The following DNAH17 variants were observed in gnomAD, a reference collection of about 807,000 sequenced individuals.
The protein encoded by DNAH17 is dynein axonemal heavy chain 17.
A neutral mutation model predicts 485.6 loss-of-function variants in DNAH17; 376 were observed. The ratio of observed to expected loss-of-function variants is 0.77; its 90% CI spans 0.71 to 0.84. The LOEUF (loss-of-function observed/expected upper bound fraction) is 0.84. Among genes scored for constraint, DNAH17 ranks in the 40% least tolerant of loss-of-function variants. The probability of loss-of-function intolerance (pLI) is 0.00; values close to 1 mark genes in which losing one functional copy is unlikely to be tolerated. For missense variants in DNAH17, 6,370 were observed against 5,839.3 expected (o/e 1.09, Z -2.96); for synonymous variants, 3,031 against 2,405.9 (o/e 1.26, Z -7.60).
chr17:78,484,857 C>CCCCGT lies in DNAH17; in HGVS notation c.7649+6_7649+10dup. The CCCCGT allele has an allele frequency of 6.5e-7, 1 of 1,536,414 alleles. No individual in the cohort carries two copies. Among genetic ancestry groups the CCCCGT allele is most frequent in the Non-Finnish European group, 8.8e-7 (1 of 1,140,096 alleles). On this transcript the variant is annotated intron_variant, in intron 48 of 80. Transcript: ENST00000389840. ...GGCCACGCCTTCCCCTCCGGCCCCGCCCCGTCTAACCAGTGCCGGTGGTCC... is the reference window on the plus strand; with the variant it reads ...GGCCACGCCTTCCCCTCCGGCCCCGCCCCGTCCCGTCTAACCAGTGCCGGTGGTCC...
At chr17:78,575,108 C>A in intron 1 of DNAH17, 26 bp from the exon 2 acceptor site, 2 of 1,458,504 alleles carry the variant, frequency 1.4e-6, no homozygotes, top group Non-Finnish European at 1.9e-6. Flanking sequence ...GAAACAGGTA[C>A]GAACTGTCTC....
chr17:78,473,785 C>T (rs913281394), intron 54 of DNAH17, among the ~76,000 whole-genome samples: 1 of 152,126 alleles, frequency 6.6e-6, no homozygotes, highest in Non-Finnish European at 1.5e-5. Flanking sequence ...CGTAAACCAA[C>T]GTGATTTAGT....
intron 54 of DNAH17, among the ~76,000 whole-genome samples, chr17:78,473,073 T>C (rs2088839852): frequency 6.6e-6 from 1 of 152,156 alleles, no homozygotes; most frequent in Non-Finnish European, 1.5e-5. Context: ...TTTATAATAT[T>C]ACATAATCAC....
chr17:78,566,679 T>C lies in DNAH17; in HGVS notation c.1504A>G (p.Arg502Gly), dbSNP rs367609516. ...DFEIKIQDLD[R>G]RLATIFCQGF... is the part of the protein sequence containing the mutation. ...TGGCAAAAGATCGTGGCCAGCCTCC[T>C]ATCCAGGTCTTGGATTTTGATCTCA... The change falls in exon 11 of 81, where the codon AGG (arginine) becomes GGG (glycine). Residue 502 changes from arginine to glycine, a missense_variant. Transcript: ENST00000389840. 68 of 1,610,728 alleles carry C rather than the reference T, an allele frequency of 4.2e-5. No homozygotes were observed. Among genetic ancestry groups the C allele is most frequent in the Non-Finnish European group, 5.6e-5 (66 of 1,178,598 alleles).
chr17:78,561,687 C>T (rs757226256), intron 12 of DNAH17, 28 bp downstream of exon 12: 11 of 1,574,644 alleles, frequency 7.0e-6, no homozygotes, highest in Admixed American at 3.5e-5. Flanking sequence ...AGGCGGGGTG[C>T]CTGCCCCTGC....
chr17:78,538,074 A>G (rs2091424682), intron 18 of DNAH17, among the ~76,000 whole-genome samples: 1 of 140,500 alleles, frequency 7.1e-6, no homozygotes, highest in Non-Finnish European at 1.5e-5. Flanking sequence ...CAAGAGGCGG[A>G]GGTTGCAATG....
At chr17:78,573,693 C>A (rs576057233) in intron 2 of DNAH17, among the ~76,000 whole-genome samples, 11 of 151,970 alleles carry the variant, frequency 7.2e-5, no homozygotes, top group Admixed American at 7.2e-4. Flanking sequence ...ATTAGACATG[C>A]ACAGAAGGCC....
At chr17:78,512,499 C>T (rs1258458250) in intron 26 of DNAH17, among the ~76,000 whole-genome samples, 5 of 152,196 alleles carry the variant, frequency 3.3e-5, no homozygotes, top group African/African-American at 9.6e-5. Flanking sequence ...CCAAAATACG[C>T]CACTTTGGCT....
rs2092142769 is a variant in DNAH17, at chr17:78,561,034, G to T, written c.1836-99C>A. ...CTGCCCGATCTGGGGTGCCGAAGCGGCCGGCCACCCAATTACTCGAGGCTC... is the reference window on the plus strand; with the variant it reads ...CTGCCCGATCTGGGGTGCCGAAGCGTCCGGCCACCCAATTACTCGAGGCTC... On this transcript the variant is annotated intron_variant, in intron 12 of 80. Transcript: ENST00000389840. 5.6e-5 allele frequency: 65 copies of T among 1,160,258 alleles called. No individual in the cohort carries two copies. The South Asian group carries it at 9.5e-4, about 17-fold the overall frequency. The allele number at this position is 1,160,258 out of a possible 1,614,324, so 71.9% of individuals were successfully genotyped here.
chr17:78,531,846 T>G (rs533505740), intron 20 of DNAH17, among the ~76,000 whole-genome samples: 2 of 152,364 alleles, frequency 1.3e-5, no homozygotes, highest in Admixed American at 1.3e-4. Flanking sequence ...CATTTACATT[T>G]GAGGTTATTA....
intron 79 of DNAH17, among the ~76,000 whole-genome samples, 191 bp downstream of exon 79, chr17:78,426,266 G>C (rs2086454949): frequency 6.6e-6 from 1 of 152,196 alleles, no homozygotes; most frequent in African/African-American, 2.4e-5. Context: ...TCCTCCTTTG[G>C]GAGGAAATGG....
chr17:78,561,504 G>A lies in DNAH17; in HGVS notation c.1835+211C>T, dbSNP rs1319147631. Among the ~76,000 whole-genome samples the A allele has an allele frequency of 4.6e-5, 7 of 152,164 alleles. No individual in the cohort carries two copies. The East Asian group carries it at 1.3e-3, about 29-fold the overall frequency. On this transcript the variant is annotated intron_variant, in intron 12 of 80. Coordinates refer to ENST00000389840, the MANE Select transcript of DNAH17 (RefSeq NM_173628.4). ...GTCTACCAGGCTGGTGGGCAAGGGT[G>A]GGGACCAGCCAGATTTCTCCTGAGC... is the stretch of plus-strand genomic sequence containing the variant.
chr17:78,425,341 C>T lies in DNAH17; in HGVS notation c.13141+5G>A. ...CTTCTGCAGACAGACAAGAGCCCTCCTTACCTTCCATGAAGAGTCCGTACA... is the reference window on the plus strand; with the variant it reads ...CTTCTGCAGACAGACAAGAGCCCTCTTTACCTTCCATGAAGAGTCCGTACA... On this transcript the variant is annotated splice_donor_5th_base_variant and intron_variant, in intron 80 of 80. Transcript: ENST00000389840. The T allele has an allele frequency of 6.2e-7, 1 of 1,613,184 alleles. No individual in the cohort carries two copies. The highest frequency in any genetic ancestry group is 8.5e-7 in the Non-Finnish European group (1 of 1,179,332).
At chr17:78,502,769 C>G in intron 32 of DNAH17, 71 bp from the exon 33 acceptor site, 4 of 1,591,668 alleles carry the variant, frequency 2.5e-6, no homozygotes, top group Non-Finnish European at 3.4e-6. Context: ...GACATTCCTG[C>G]TGAAAGCTTA....
At chr17:78,472,671 T>C (rs773095100) in intron 54 of DNAH17, 28 of 450,056 alleles carry the variant, frequency 6.2e-5, no homozygotes, top group Non-Finnish European at 1.2e-4. Context: ...CCTGAAGGTT[T>C]CGGATCCTGG....
chr17:78,556,927 T>G (rs745664449), intron 14 of DNAH17, among the ~76,000 whole-genome samples: 6 of 152,172 alleles, frequency 3.9e-5, no homozygotes, highest in Non-Finnish European at 8.8e-5. Flanking sequence ...ACAGAACACG[T>G]ATGATACCAT....
Position 78,499,002 on chromosome 17 carries a change from C to CTT in DNAH17, c.5745+4_5745+5dup. 6.2e-7 allele frequency: 1 copy of CTT among 1,603,530 alleles called. No homozygotes were observed. The highest frequency in any genetic ancestry group is 8.5e-7 in the Non-Finnish European group (1 of 1,175,176). On this transcript the variant is annotated splice_donor_region_variant and intron_variant, in intron 37 of 80. Transcript: ENST00000389840. ...TGACCCCGAGGCCGCAGGCAGGGGA[C>CTT]TTTACCTGCACGGCAATCACAGACA...
intron 25 of DNAH17, 66 bp from the exon 26 acceptor site, chr17:78,515,088 T>C (rs1411174623): frequency 6.3e-7 from 1 of 1,583,668 alleles, no homozygotes; most frequent in African/African-American, 1.3e-5. Flanking sequence ...GAAAACCCTC[T>C]TACCTTTCTG....
At chr17:78,458,754 T>C in intron 61 of DNAH17, 74 bp from the exon 62 acceptor site, 1 of 1,360,906 alleles carries the variant, frequency 7.3e-7, no homozygotes, top group African/African-American at 1.4e-5. Context: ...GCAGCAGGGC[T>C]GGGCCCTGTG....
Sources: allele counts gnomAD v4.1 joint callset (sites outside exome capture counted in the v4.1 genomes callset), GRCh38; gene constraint gnomAD v4.1.1; transcripts MANE v1.5; gene names NCBI Gene and HGNC (gene_info 2026-07-23, HGNC 2026-07-21).